The following GALNT14 variants were observed in gnomAD, a reference collection of about 807,000 sequenced individuals.
GALNT14 encodes polypeptide N-acetylgalactosaminyltransferase 14, also known as UDP-GalNAc:polypeptide N-acetylgalactosaminyltransferase 14.
GALNT14 carries 60 observed loss-of-function variants against 77.5 expected under a neutral mutation model. That is an observed-to-expected ratio of 0.77 (90% CI 0.63 to 0.96). The LOEUF (loss-of-function observed/expected upper bound fraction) is 0.96. GALNT14 is among the 40% of genes least tolerant of loss of function. The pLI, the probability that GALNT14 is intolerant of heterozygous loss-of-function variation, is 0.00. For missense variants in GALNT14, 710 were observed against 731.0 expected, an observed-to-expected ratio of 0.97 and a Z score of 0.33; for synonymous variants, 280 against 281.7, an observed-to-expected ratio of 0.99 and a Z score of 0.06.
At chr2:31,100,878 A>T (rs1381755006) in intron 1 of GALNT14, among the ~76,000 whole-genome samples, 1 of 152,086 alleles carries the variant, frequency 6.6e-6, no homozygotes, top group East Asian at 1.9e-4. Context: ...CACTTACATT[A>T]GCGTATGATT....
At chr2:31,032,919 G>T (rs949383185) in intron 1 of GALNT14, among the ~76,000 whole-genome samples, 5 of 152,068 alleles carry the variant, frequency 3.3e-5, no homozygotes, top group African/African-American at 9.7e-5. Context: ...GTCCTAAGGG[G>T]GCCCACTGGA....
chr2:31,010,393 A>T lies in GALNT14; in HGVS notation c.130-17386T>A, dbSNP rs575069039. On this transcript the variant is annotated intron_variant, in intron 1 of 14. Transcript: ENST00000349752. Reference sequence around the variant, plus strand: ...GGCGGGCAGATCACGAGGTCAGGAGATCCAGACCATCCTGGCTAACACGGT... The same window carrying T: ...GGCGGGCAGATCACGAGGTCAGGAGTTCCAGACCATCCTGGCTAACACGGT... 2.0e-4 allele frequency among the ~76,000 whole-genome samples: 31 copies of T among 152,332 alleles called. No individual in the cohort carries two copies. In the East Asian group the frequency reaches 5.6e-3, roughly 28 times the overall value.
At chr2:30,953,113 T>C (rs192925905) in intron 6 of GALNT14, among the ~76,000 whole-genome samples, 3 of 152,266 alleles carry the variant, frequency 2.0e-5, no homozygotes, top group East Asian at 3.9e-4. Flanking sequence ...CATACTCCGG[T>C]TTCCTTTTAA....
intron 1 of GALNT14, among the ~76,000 whole-genome samples, chr2:31,063,404 G>A (rs1443933735): frequency 1.3e-5 from 2 of 152,118 alleles, no homozygotes; most frequent in Non-Finnish European, 2.9e-5. Context: ...CCTCTATTCT[G>A]TTCCATTGGT....
intron 8 of GALNT14, among the ~76,000 whole-genome samples, chr2:30,943,410 T>C (rs978535890): frequency 6.6e-6 from 1 of 152,138 alleles, no homozygotes; most frequent in Non-Finnish European, 1.5e-5. Flanking sequence ...TTCTTCCATA[T>C]CAAAGAAGTA....
chr2:30,890,491 A>C, the GALNT14 span, among the ~76,000 whole-genome samples: 1 of 152,220 alleles, frequency 6.6e-6, no homozygotes, highest in Non-Finnish European at 1.5e-5. Context: ...GTAAATCAAT[A>C]TATATGCTGT....
intron 2 of GALNT14, among the ~76,000 whole-genome samples, chr2:30,981,591 C>T (rs1668993446): frequency 6.6e-6 from 1 of 151,866 alleles, no homozygotes; most frequent in South Asian, 2.1e-4. Context: ...GGCTCTGATG[C>T]TCTGCAGGGC....
chr2:31,132,874 C>T (rs1277769500), intron 1 of GALNT14, among the ~76,000 whole-genome samples: 1 of 152,152 alleles, frequency 6.6e-6, no homozygotes, highest in African/African-American at 2.4e-5. Flanking sequence ...CCCAGTTGCT[C>T]CTAGGGATAA....
intron 1 of GALNT14, among the ~76,000 whole-genome samples, chr2:31,009,900 T>A (rs1670910542): frequency 6.6e-6 from 1 of 152,196 alleles, no homozygotes. Flanking sequence ...CCTTTTCCCA[T>A]CTCTACAACC....
intron 1 of GALNT14, chr2:31,078,937 A>T (rs1413740646): frequency 7.8e-7 from 1 of 1,289,360 alleles, no homozygotes; most frequent in Non-Finnish European, 1.0e-6. Flanking sequence ...GACTCACTGG[A>T]CACGACTCAT....
At chr2:30,935,131 C>A (rs879876565) in intron 9 of GALNT14, among the ~76,000 whole-genome samples, 1 of 152,346 alleles carries the variant, frequency 6.6e-6, no homozygotes, top group East Asian at 1.9e-4. Flanking sequence ...TTAGTCCTAA[C>A]AACCCTGCTC....
intron 4 of GALNT14, among the ~76,000 whole-genome samples, chr2:30,956,189 G>A (rs4530414): frequency 6.6e-6 from 1 of 152,184 alleles, no homozygotes; most frequent in Non-Finnish European, 1.5e-5. Context: ...CTAGGGCAAA[G>A]AGGCCTCAAC....
intron 1 of GALNT14, among the ~76,000 whole-genome samples, chr2:31,091,479 A>T (rs1676734281): frequency 6.6e-6 from 1 of 152,246 alleles, no homozygotes; most frequent in East Asian, 1.9e-4. Context: ...GATAGAGATC[A>T]TCTCTGTACT....
At chr2:30,891,708 T>A in the GALNT14 span, among the ~76,000 whole-genome samples, 1 of 152,166 alleles carries the variant, frequency 6.6e-6, no homozygotes, top group African/African-American at 2.4e-5. Flanking sequence ...GGTAAGGTTT[T>A]GAATCATGCC....
At chr2:31,009,421 T>A (rs921317678) in intron 1 of GALNT14, among the ~76,000 whole-genome samples, 4 of 152,176 alleles carry the variant, frequency 2.6e-5, no homozygotes, top group African/African-American at 9.7e-5. Flanking sequence ...TCCCCTGATT[T>A]CTCATTGTTG....
Position 30,958,409 on chromosome 2 carries a change from A to G in GALNT14, c.454T>C (p.Phe152Leu). 1 of 1,613,980 alleles carries G rather than the reference A, an allele frequency of 6.2e-7. No homozygotes were observed. ...LIREIILVDD[F>L]SNDPDDCKQL... ...CAACATGACTTACGGTCATTGCTGA[A>G]GTCATCCACTAATATGATTTCCCGG... The change falls in exon 4 of 15, where the codon TTC (phenylalanine) becomes CTC (leucine). Residue 152 changes from phenylalanine to leucine, a missense_variant. Physicochemically the swap from Phe to Leu is conservative, Grantham distance 22. Transcript: ENST00000349752.
intron 1 of GALNT14, among the ~76,000 whole-genome samples, chr2:31,046,545 A>T (rs1248729399): frequency 6.6e-6 from 1 of 152,148 alleles, no homozygotes; most frequent in Non-Finnish European, 1.5e-5. Flanking sequence ...CATATTCTTA[A>T]AGTACTACAC....
rs376736831 is a variant in GALNT14, at chr2:30,932,168, C to T, written c.958G>A (p.Gly320Arg). The change falls in exon 10 of 15, where the codon GGG (glycine) becomes AGG (arginine). Residue 320 changes from glycine (G) to arginine (R), a missense_variant. Physicochemically the swap from Gly to Arg is moderately radical, Grantham distance 125 (BLOSUM62 -2). Transcript: ENST00000349752. ...CAGGGGACGATCTCTAGGCTGCCCCCGCACATCCACACTCGGAAGGAGATT... is the reference window on the plus strand; with the variant it reads ...CAGGGGACGATCTCTAGGCTGCCCCTGCACATCCACACTCGGAAGGAGATT... ...FEISFRVWMC[G>R]GSLEIVPCSR... is the part of the protein sequence containing the mutation. The T allele has an allele frequency of 1.7e-5, 26 of 1,540,422 alleles. No homozygotes were observed. Among genetic ancestry groups the T allele is most frequent in the African/African-American group, 7.0e-5 (5 of 71,420 alleles).
At chr2:31,084,661 C>A (rs1039355297) in intron 1 of GALNT14, among the ~76,000 whole-genome samples, 3 of 152,162 alleles carry the variant, frequency 2.0e-5, no homozygotes, top group Non-Finnish European at 4.4e-5. Context: ...TAATGCAAGT[C>A]ATTTAACCTC....
Sources: gnomAD v4.1 joint callset for allele counts (sites outside exome capture counted in the v4.1 genomes callset) on GRCh38, gnomAD v4.1.1 for gene constraint, MANE v1.5 for transcripts, NCBI Gene and HGNC (gene_info 2026-07-23, HGNC 2026-07-21) for gene names.